Variants in PAN3 observed in about 807,000 individuals in gnomAD.
The protein encoded by PAN3 is PAN2-PAN3 deadenylation complex subunit PAN3.
Under a neutral mutation model 96.2 loss-of-function variants are expected in PAN3, and 19 were observed. That is an observed-to-expected ratio of 0.20 (90% CI 0.14 to 0.29). The LOEUF is 0.29. PAN3 is among the 10% of genes least tolerant of loss of function. The pLI, the probability that PAN3 is intolerant of heterozygous loss-of-function variation, is 1.00. For synonymous variants in PAN3, 433 were observed against 406.6 expected (o/e 1.06, Z -0.78); for missense variants, 882 against 1,108.1 (o/e 0.80, Z 2.90).
At chr13:28,215,208 C>G (rs1031449388) in intron 5 of PAN3, 25 of 713,200 alleles carry the variant, frequency 3.5e-5, no homozygotes, top group Middle Eastern at 3.9e-4. Flanking sequence ...GCTTGAGGCT[C>G]TGGACTGCAT....
intron 5 of PAN3, among the ~76,000 whole-genome samples, chr13:28,203,802 C>CT (rs1230271676): frequency 1.6e-4 from 24 of 148,182 alleles, no homozygotes; most frequent in Non-Finnish European, 3.3e-4. Context: ...TTTCTTTTTT[C>CT]TTTTCTTTTT....
At chr13:28,199,843 C>G (rs186586281) in intron 5 of PAN3, among the ~76,000 whole-genome samples, 1 of 152,124 alleles carries the variant, frequency 6.6e-6, no homozygotes, top group East Asian at 1.9e-4. Context: ...TTTCCTGTTC[C>G]ATTTGTTTCC....
chr13:28,193,479 C>T (rs1414963364), intron 4 of PAN3, among the ~76,000 whole-genome samples: 1 of 152,042 alleles, frequency 6.6e-6, no homozygotes, highest in African/African-American at 2.4e-5. Flanking sequence ...ACGTGGTTCA[C>T]GCCTGTAATC....
At chr13:28,235,696 T>C (rs201968464) in intron 6 of PAN3, among the ~76,000 whole-genome samples, 19,809 of 140,606 alleles carry the variant, frequency 0.14, 1,569 homozygotes, top group East Asian at 0.32. Flanking sequence ...CACACACACA[T>C]ACACACACAC....
chr13:28,265,326 A>G (rs938644853), intron 9 of PAN3, among the ~76,000 whole-genome samples: 3 of 152,228 alleles, frequency 2.0e-5, no homozygotes, highest in Non-Finnish European at 4.4e-5. Flanking sequence ...CAGCCTCCCA[A>G]GTAGCTAGGA....
chr13:28,173,605 G>A (rs1793240793), intron 1 of PAN3, among the ~76,000 whole-genome samples: 1 of 152,178 alleles, frequency 6.6e-6, no homozygotes, highest in Admixed American at 6.5e-5. Context: ...CTCAATGACT[G>A]CCTGGAGAAG....
chr13:28,276,716 C>G (rs970769818), intron 14 of PAN3, among the ~76,000 whole-genome samples: 1 of 152,114 alleles, frequency 6.6e-6, no homozygotes, highest in Non-Finnish European at 1.5e-5. Context: ...CTGGTTAATG[C>G]TAATGTTTGT....
chr13:28,249,860 A>G (rs535157618), intron 6 of PAN3, among the ~76,000 whole-genome samples: 3 of 152,254 alleles, frequency 2.0e-5, no homozygotes, highest in Non-Finnish European at 2.9e-5. Context: ...TGCTTATTCA[A>G]ATTTTCTCAC....
chr13:28,177,658 T>C (rs1343152360), intron 3 of PAN3, among the ~76,000 whole-genome samples: 1 of 152,216 alleles, frequency 6.6e-6, no homozygotes, highest in Non-Finnish European at 1.5e-5. Context: ...TCTATCCTGA[T>C]CCATATAGCT....
chr13:28,201,726 C>T (rs1458334940), intron 5 of PAN3, among the ~76,000 whole-genome samples: 1 of 152,066 alleles, frequency 6.6e-6, no homozygotes, highest in Non-Finnish European at 1.5e-5. Context: ...CTCTTTGTTT[C>T]GTCCCTGGCT....
intron 15 of PAN3, 37 bp downstream of exon 15, chr13:28,277,413 T>G: frequency 6.3e-7 from 1 of 1,577,880 alleles, no homozygotes; most frequent in South Asian, 1.2e-5. Context: ...ACAGAATGAT[T>G]ATTTGCGATA....
intron 6 of PAN3, among the ~76,000 whole-genome samples, chr13:28,226,563 A>G (rs1367568209): frequency 3.3e-5 from 5 of 152,206 alleles, no homozygotes. Context: ...GTGTTTAATA[A>G]ATGCTTACTC....
chr13:28,214,687 G>A (rs987427718), intron 5 of PAN3: 1 of 455,984 alleles, frequency 2.2e-6, no homozygotes, highest in Non-Finnish European at 4.0e-6. Context: ...AGTATTCCTG[G>A]GTCTTGGATA....
intron 4 of PAN3, among the ~76,000 whole-genome samples, chr13:28,192,289 C>G (rs912764679): frequency 1.3e-5 from 2 of 150,606 alleles, no homozygotes; most frequent in African/African-American, 4.9e-5. Context: ...AGGCTGGTCT[C>G]GAATTTCTGA....
At chr13:28,239,788 A>C in intron 6 of PAN3, 1 of 694,624 alleles carries the variant, frequency 1.4e-6, no homozygotes, top group Non-Finnish European at 2.2e-6. Flanking sequence ...AGGGTTTGTG[A>C]AGGAATCAGT....
chr13:28,221,937 C>T (rs568896593), intron 6 of PAN3, among the ~76,000 whole-genome samples: 2 of 152,290 alleles, frequency 1.3e-5, no homozygotes, highest in Admixed American at 1.3e-4. Flanking sequence ...GACTTCTGAG[C>T]AGTGTTGTAA....
chr13:28,271,028 A>C (rs112080427), intron 13 of PAN3, among the ~76,000 whole-genome samples, 162 bp downstream of exon 13: 1 of 152,144 alleles, frequency 6.6e-6, no homozygotes, highest in African/African-American at 2.4e-5. Flanking sequence ...AAAAAAAAAA[A>C]GTTGAACTCT....
At chr13:28,237,503 A>T (rs576289453) in intron 6 of PAN3, among the ~76,000 whole-genome samples, 8 of 152,286 alleles carry the variant, frequency 5.3e-5, no homozygotes, top group South Asian at 2.1e-4. Context: ...ATACATTTTT[A>T]AAAAATAGCA....
chr13:28,215,981 A>C (rs1163594001), intron 5 of PAN3: 8 of 779,588 alleles, frequency 1.0e-5, no homozygotes, highest in African/African-American at 1.0e-4. Context: ...TTGGCCATTT[A>C]AGTTAATAGT....
Sources: gnomAD v4.1 joint callset for allele counts (sites outside exome capture counted in the v4.1 genomes callset) on GRCh38, gnomAD v4.1.1 for gene constraint, MANE v1.5 for transcripts, NCBI Gene and HGNC (gene_info 2026-07-23, HGNC 2026-07-21) for gene names.